Variants in PCDHGB5 observed in about 807,000 individuals in gnomAD.
PCDHGB5 encodes the protein protocadherin gamma-B5.
A neutral mutation model predicts 62.9 loss-of-function variants in PCDHGB5; 48 were observed. That is an observed-to-expected ratio of 0.76 (90% CI 0.61 to 0.97). The LOEUF (loss-of-function observed/expected upper bound fraction) is 0.97, where lower values mean the gene tolerates loss of function less well. Ranked by LOEUF, PCDHGB5 falls within the 50% of genes least tolerant of loss-of-function variation. The pLI, the probability that PCDHGB5 is intolerant of heterozygous loss-of-function variation, is 0.00. For synonymous variants in PCDHGB5, 474 were observed against 511.2 expected (o/e 0.93, Z 0.98); for missense variants, 1,118 against 1,198.6 (o/e 0.93, Z 0.99).
intron 1 of PCDHGB5, 186 bp downstream of exon 1, chr5:141,400,710 C>A (rs1480952915): frequency 2.9e-6 from 2 of 693,672 alleles, no homozygotes; most frequent in Non-Finnish European, 4.8e-6. Context: ...AAAGAAGTAG[C>A]CTTATAGATT....
chr5:141,421,888 C>T (rs1387624358), intron 1 of PCDHGB5: 5 of 1,613,746 alleles, frequency 3.1e-6, no homozygotes. Flanking sequence ...TGGAGGCGAT[C>T]CCATCCGAAA....
In PCDHGB5 at chr5:141,423,272, T is replaced by C. The variant is rs372798900; in HGVS notation, c.2397+22748T>C. On this transcript the variant is annotated intron_variant, in intron 1 of 3. Coordinates refer to ENST00000617380, the MANE Select transcript of PCDHGB5 (RefSeq NM_018925.3). ...GCGGACCTCGGCAGCCTCGAGTCTC[T>C]GGCTAACTCTGAAACCTCAGACCTC... 36 of 1,613,586 alleles carry C rather than the reference T, an allele frequency of 2.2e-5. No individual in the cohort carries two copies. In the African/African-American group the frequency reaches 4.4e-4, roughly 20 times the overall value.
intron 1 of PCDHGB5, chr5:141,416,537 G>T (rs2096038948): frequency 6.6e-6 from 1 of 152,082 alleles, no homozygotes; most frequent in Admixed American, 6.6e-5. Context: ...AATGTATAAG[G>T]AGGCAAACAC....
At chr5:141,434,136 TC>T (rs2097674430) in intron 1 of PCDHGB5, among the ~76,000 whole-genome samples, 1 of 152,246 alleles carries the variant, frequency 6.6e-6, no homozygotes, top group Non-Finnish European at 1.5e-5. Context: ...TAGGCTGATT[TC>T]TATGTCCTTT....
chr5:141,476,839 G>A lies in PCDHGB5; in HGVS notation c.2398-17968G>A, dbSNP rs372676286. The A allele has an allele frequency of 5.0e-6, 8 of 1,613,490 alleles. No homozygotes were observed. Among genetic ancestry groups the A allele is most frequent in the South Asian group, 1.1e-5 (1 of 91,088 alleles). On this transcript the variant is annotated intron_variant, in intron 1 of 3. Transcript: ENST00000617380. The surrounding 1 kb of genome is among the most constrained non-coding windows in gnomAD (Gnocchi z 7.6). ...AGGTGCTGGACGCGAATGACAATGC[G>A]CCTGTCTTCAACCAGTCCTTGTACC...
At position 141,505,489 on chromosome 5, in the gene PCDHGB5, G is replaced by A. The variant is rs759637750; in HGVS notation, c.2545+8G>A. On this transcript the variant is annotated splice_region_variant and intron_variant, in intron 3 of 3. Coordinates refer to ENST00000617380, the MANE Select transcript of PCDHGB5 (RefSeq NM_018925.3). ...TCTTGGCGTCCGCCAGTGGTAAGTG[G>A]TGTCAGTGTGTGTATGGAAGAGTGG... The A allele has an allele frequency of 6.2e-7, 1 of 1,614,218 alleles. No homozygotes were observed. The highest frequency in any genetic ancestry group is 1.7e-5 in the Admixed American group (1 of 60,032).
intron 2 of PCDHGB5, among the ~76,000 whole-genome samples, chr5:141,496,903 A>G (rs990378360): frequency 1.1e-4 from 16 of 150,744 alleles, no homozygotes; most frequent in Non-Finnish European, 2.4e-4. Flanking sequence ...AAAAAAAAAA[A>G]GGCTGGGCAC....
chr5:141,399,816 G>T lies in PCDHGB5; in HGVS notation c.1689G>T (p.Leu563=), dbSNP rs1399321740. 1 of 1,613,196 alleles carries T rather than the reference G, an allele frequency of 6.2e-7. No homozygotes were observed. The highest frequency in any genetic ancestry group is 8.5e-7 in the Non-Finnish European group (1 of 1,179,770). Residue 563 remains leucine, a synonymous_variant, in exon 1 of 4, where the codon CTG becomes CTT. Coordinates refer to ENST00000617380, the MANE Select transcript of PCDHGB5 (RefSeq NM_018925.3). The part of the protein sequence containing the change: ...DNAPRVLYPA[L]GPDGSALFDM... The stretch of plus-strand genomic sequence containing the variant: ...CACCGCGGGTGCTGTACCCCGCGCT[G>T]GGTCCCGACGGCTCTGCGCTCTTCG...
At chr5:141,506,076 T>C (rs2154593839) in intron 3 of PCDHGB5, among the ~76,000 whole-genome samples, 1 of 152,244 alleles carries the variant, frequency 6.6e-6, no homozygotes, top group South Asian at 2.1e-4. Flanking sequence ...TCCTTTGTAA[T>C]AGAGATTCGG....
At chr5:141,484,054 G>A (rs1192214731) in intron 1 of PCDHGB5, among the ~76,000 whole-genome samples, 4 of 152,044 alleles carry the variant, frequency 2.6e-5, no homozygotes, top group African/African-American at 9.7e-5. Flanking sequence ...AGGTCCCCTG[G>A]GGCTAAGTGA....
At chr5:141,434,119 C>T (rs2097673106) in intron 1 of PCDHGB5, among the ~76,000 whole-genome samples, 1 of 152,180 alleles carries the variant, frequency 6.6e-6, no homozygotes, top group Non-Finnish European at 1.5e-5. Flanking sequence ...GCCTTTGGGA[C>T]TCCCTTTAGG....
In PCDHGB5 at chr5:141,400,521, G is replaced by A. The variant is rs1462677478; in HGVS notation, c.2394G>A (p.Glu798=). The change falls in exon 1 of 4, where the codon GAG becomes GAA. Residue 798 remains glutamate (E), a synonymous_variant. Coordinates refer to ENST00000617380, the MANE Select transcript of PCDHGB5 (RefSeq NM_018925.3). Reference sequence around the variant, plus strand: ...CCAGCGAGTCGACTTCCCATCCTGAGTTGGTGAGTTTCATTTATGTCTATT... The same window carrying A: ...CCAGCGAGTCGACTTCCCATCCTGAATTGGTGAGTTTCATTTATGTCTATT... ...CNSSESTSHP[E]LQAPPNTDWR... 3.1e-6 allele frequency: 5 copies of A among 1,613,972 alleles called. No individual in the cohort carries two copies. Among genetic ancestry groups the A allele is most frequent in the Non-Finnish European group, 4.2e-6 (5 of 1,179,844 alleles).
In PCDHGB5 at chr5:141,512,859, CAT is replaced by C. The variant is rs1474518602; in HGVS notation, c.*1688_*1689del. 6.6e-6 allele frequency: 1 copy of C among 152,296 alleles called. No homozygotes were observed. The highest frequency in any genetic ancestry group is 1.9e-4 in the East Asian group (1 of 5,200). The allele number at this position is 152,296 out of a possible 1,614,324, so 9.4% of individuals were successfully genotyped here. A position where few individuals can be genotyped will look rare whatever the true frequency, so the allele number is the denominator to read the frequency against. On this transcript the variant is annotated 3_prime_UTR_variant, in exon 4 of 4. Transcript: ENST00000617380. ...CTTCTCCTATAAGCGCTTCTCTTCG[CAT>C]AGTCACGTAGCTCCCACCCCACCCT... is the stretch of plus-strand genomic sequence containing the variant.
intron 1 of PCDHGB5, chr5:141,433,047 C>G: frequency 1.9e-6 from 3 of 1,614,164 alleles, no homozygotes; most frequent in Non-Finnish European, 2.5e-6. Context: ...ACCACGGACT[C>G]GCGGAAGAGT....
Position 141,485,193 on chromosome 5 carries a change from G to C in PCDHGB5, c.2398-9614G>C. 1 of 1,613,988 alleles carries C rather than the reference G, an allele frequency of 6.2e-7. No individual in the cohort carries two copies. Among genetic ancestry groups the C allele is most frequent in the Non-Finnish European group, 8.5e-7 (1 of 1,179,852 alleles). On this transcript the variant is annotated intron_variant, in intron 1 of 3. Transcript: ENST00000617380. This position sits in a 1 kb window ranked among gnomAD's most constrained non-coding sequence, Gnocchi z 5.7. ...GCAGCAATGCTCCGCAAGGTGAGAA[G>C]CTGGACAGAAATCTGGCGGTGGGCT...
At chr5:141,478,816 A>G in intron 1 of PCDHGB5, 1 of 1,450,826 alleles carries the variant, frequency 6.9e-7, no homozygotes, top group Non-Finnish European at 9.1e-7. Context: ...TATCACAACT[A>G]ACCAATCTTG....
chr5:141,415,126 C>T, intron 1 of PCDHGB5: 1 of 1,613,688 alleles, frequency 6.2e-7, no homozygotes, highest in Non-Finnish European at 8.5e-7. Context: ...AGTGGCCGTC[C>T]AGGACCACGG....
intron 1 of PCDHGB5, chr5:141,419,810 C>G (rs368168278): frequency 1.7e-5 from 27 of 1,613,946 alleles, no homozygotes; most frequent in Non-Finnish European, 2.1e-5. Context: ...AGATGGAGGA[C>G]AGCCACCCCT....
intron 1 of PCDHGB5, among the ~76,000 whole-genome samples, chr5:141,402,647 A>C (rs2094289901): frequency 6.6e-6 from 1 of 152,250 alleles, no homozygotes; most frequent in Non-Finnish European, 1.5e-5. Flanking sequence ...TCATAATTAG[A>C]AGAGAGTAGT....
Sources: allele counts gnomAD v4.1 joint callset (sites outside exome capture counted in the v4.1 genomes callset), GRCh38; gene constraint gnomAD v4.1.1; non-coding constraint Gnocchi (gnomAD v3.1); transcripts MANE v1.5; gene names NCBI Gene and HGNC (gene_info 2026-07-23, HGNC 2026-07-21).